The following CLSTN2 variants were observed in gnomAD, a reference collection of about 807,000 sequenced individuals.
CLSTN2 encodes the protein calsyntenin 2.
Under a neutral mutation model 101.2 loss-of-function variants are expected in CLSTN2, and 48 were observed. That is an observed-to-expected ratio of 0.47 (90% CI 0.38 to 0.60). CLSTN2 has a LOEUF of 0.60. Among genes scored for constraint, CLSTN2 ranks in the 20% least tolerant of loss-of-function variants. The pLI is 0.00. For synonymous variants in CLSTN2, 481 were observed against 463.6 expected (o/e 1.04, Z -0.48); for missense variants, 1,160 against 1,238.2 (o/e 0.94, Z 0.95).
At chr3:139,968,485 T>A (rs1935642127) in intron 1 of CLSTN2, among the ~76,000 whole-genome samples, 2 of 152,240 alleles carry the variant, frequency 1.3e-5, no homozygotes, top group Admixed American at 6.5e-5. Context: ...TCTACTCTTT[T>A]GTCATGTGAG....
At chr3:140,474,507 C>G (rs1468053509) in intron 8 of CLSTN2, among the ~76,000 whole-genome samples, 1 of 152,154 alleles carries the variant, frequency 6.6e-6, no homozygotes, top group Non-Finnish European at 1.5e-5. Flanking sequence ...GCCAAATCGC[C>G]TTACCTGCTA....
chr3:139,950,796 T>C (rs1421419629), intron 1 of CLSTN2, among the ~76,000 whole-genome samples: 1 of 152,218 alleles, frequency 6.6e-6, no homozygotes, highest in Non-Finnish European at 1.5e-5. Context: ...TTTCAACAAA[T>C]GCTTGGGCCC....
chr3:140,111,668 A>G (rs1049413926), intron 1 of CLSTN2, among the ~76,000 whole-genome samples: 3 of 151,960 alleles, frequency 2.0e-5, no homozygotes, highest in Non-Finnish European at 4.4e-5. Flanking sequence ...CCTATACCCC[A>G]TGTGTTCCTG....
At chr3:140,380,134 C>T (rs573623862) in intron 2 of CLSTN2, among the ~76,000 whole-genome samples, 2 of 152,184 alleles carry the variant, frequency 1.3e-5, no homozygotes, top group Non-Finnish European at 2.9e-5. Flanking sequence ...ATGACCCCAG[C>T]CAGACAGTGA....
intron 1 of CLSTN2, among the ~76,000 whole-genome samples, chr3:139,980,315 C>T (rs561134810): frequency 1.3e-5 from 2 of 152,250 alleles, no homozygotes; most frequent in Non-Finnish European, 2.9e-5. Flanking sequence ...CAAGCTTACT[C>T]CTGCCTCAGG....
intron 4 of CLSTN2, among the ~76,000 whole-genome samples, chr3:140,409,269 A>G (rs1407511872): frequency 1.3e-5 from 2 of 152,198 alleles, no homozygotes; most frequent in Non-Finnish European, 2.9e-5. Flanking sequence ...TGAACACACC[A>G]ATGGCCCTGA....
chr3:139,951,478 C>G (rs984611107), intron 1 of CLSTN2, among the ~76,000 whole-genome samples: 1 of 152,096 alleles, frequency 6.6e-6, no homozygotes, highest in South Asian at 2.1e-4. Context: ...TCATTTAGAC[C>G]AAGCAAAAGG....
chr3:140,373,343 G>T (rs1156939457), intron 2 of CLSTN2, among the ~76,000 whole-genome samples: 1 of 152,096 alleles, frequency 6.6e-6, no homozygotes, highest in African/African-American at 2.4e-5. Flanking sequence ...GAGAAAGATG[G>T]CCTCTTCCCC....
intron 16 of CLSTN2, among the ~76,000 whole-genome samples, chr3:140,564,363 GT>G: frequency 6.6e-6 from 1 of 152,182 alleles, no homozygotes; most frequent in Non-Finnish European, 1.5e-5. Context: ...GATTTAAAAT[GT>G]ATTAATTGCT....
At chr3:140,008,847 A>G (rs1262166096) in intron 1 of CLSTN2, among the ~76,000 whole-genome samples, 4 of 152,208 alleles carry the variant, frequency 2.6e-5, no homozygotes, top group Non-Finnish European at 4.4e-5. Flanking sequence ...TGCATTCTCT[A>G]TTATGCTAAC....
At chr3:140,487,839 C>A (rs920797797) in intron 8 of CLSTN2, among the ~76,000 whole-genome samples, 2 of 152,120 alleles carry the variant, frequency 1.3e-5, no homozygotes, top group East Asian at 1.9e-4. Context: ...ATACAGGGAA[C>A]AATAAGGCTA....
intron 1 of CLSTN2, among the ~76,000 whole-genome samples, chr3:140,093,839 T>C (rs2008822663): frequency 6.6e-6 from 1 of 152,240 alleles, no homozygotes; most frequent in African/African-American, 2.4e-5. Context: ...CAAGTAGTAG[T>C]ATCTTAAGGA....
chr3:140,219,000 T>C (rs2086235965), intron 2 of CLSTN2, among the ~76,000 whole-genome samples: 1 of 152,124 alleles, frequency 6.6e-6, no homozygotes, highest in Admixed American at 6.5e-5. Flanking sequence ...AGGTGTCACG[T>C]GAAGCTGTTT....
intron 2 of CLSTN2, among the ~76,000 whole-genome samples, chr3:140,327,597 T>C (rs991618234): frequency 6.6e-6 from 1 of 152,222 alleles, no homozygotes; most frequent in Admixed American, 6.5e-5. Flanking sequence ...ATGTGCACTT[T>C]GGAGTCACAC....
intron 1 of CLSTN2, among the ~76,000 whole-genome samples, chr3:139,982,347 A>G (rs1935945613): frequency 6.7e-6 from 1 of 149,448 alleles, no homozygotes; most frequent in African/African-American, 2.5e-5. Flanking sequence ...AGTATATTAT[A>G]TTAATATTAA....
rs181897277 is a variant in CLSTN2 at position 140,288,353 on chromosome 3, G to A, written c.232+112280G>A. ...CGCTCTGGGTTATATGCCAGGATGA[G>A]TGTGCTGCCATCTCCCCTCCCAGAC... On this transcript the variant is annotated intron_variant, in intron 2 of 16. Transcript: ENST00000458420. Among the ~76,000 whole-genome samples, 43 of 152,228 alleles carry A rather than the reference G, an allele frequency of 2.8e-4. 1 individual carries two copies. The East Asian group carries it at 5.8e-3, about 21-fold the overall frequency.
rs186252865 is a variant in CLSTN2, at chr3:140,203,186, G to A, written c.232+27113G>A. On this transcript the variant is annotated intron_variant, in intron 2 of 16. Coordinates refer to ENST00000458420, the MANE Select transcript of CLSTN2 (RefSeq NM_022131.3). The stretch of plus-strand genomic sequence containing the variant: ...CTTAAGTGTACTCTGACAAAGATAG[G>A]GAGTGATCAAGTGCTGCTGCTAAGT... Among the ~76,000 whole-genome samples, 9 of 152,284 alleles carry A rather than the reference G, an allele frequency of 5.9e-5. No homozygotes were observed. In the East Asian group the frequency reaches 1.7e-3, roughly 29 times the overall value.
intron 1 of CLSTN2, among the ~76,000 whole-genome samples, chr3:140,047,786 G>T: frequency 6.6e-6 from 1 of 152,148 alleles, no homozygotes; most frequent in East Asian, 1.9e-4. Flanking sequence ...TAACCCATTA[G>T]TTCGTTAACA....
At chr3:140,502,513 AC>A (rs779097995) in intron 8 of CLSTN2, among the ~76,000 whole-genome samples, 1 of 152,150 alleles carries the variant, frequency 6.6e-6, no homozygotes, top group Non-Finnish European at 1.5e-5. Context: ...ACTTTTAAAC[AC>A]CTTTTGGAAG....
Sources: gnomAD v4.1 joint callset for allele counts (sites outside exome capture counted in the v4.1 genomes callset) on GRCh38, gnomAD v4.1.1 for gene constraint, MANE v1.5 for transcripts, NCBI Gene and HGNC (gene_info 2026-07-23, HGNC 2026-07-21) for gene names.